The following AGMO variants were observed in gnomAD, a reference collection of about 807,000 sequenced individuals.
AGMO encodes glyceryl-ether monooxygenase.
Under a neutral mutation model 60.2 loss-of-function variants are expected in AGMO, and 75 were observed. The ratio of observed to expected loss-of-function variants is 1.25; its 90% CI spans 1.03 to 1.51. AGMO has a LOEUF of 1.51. Among genes scored for constraint, AGMO ranks in the 40% most tolerant of loss-of-function variants. The pLI is 0.00. For synonymous variants in AGMO, 261 were observed against 177.1 expected (o/e 1.47, Z -3.76); for missense variants, 763 against 525.5 (o/e 1.45, Z -4.42).
chr7:15,305,937 A>T (rs1408347274), intron 12 of AGMO, among the ~76,000 whole-genome samples: 1 of 152,008 alleles, frequency 6.6e-6, no homozygotes, highest in Non-Finnish European at 1.5e-5. Context: ...AATTCCAGAT[A>T]ACAAAATTTT....
intron 3 of AGMO, among the ~76,000 whole-genome samples, chr7:15,452,260 T>G (rs189969162): frequency 1.1e-4 from 16 of 152,248 alleles, no homozygotes; most frequent in African/African-American, 3.6e-4. Context: ...TTTAAAATTT[T>G]TGTATATTAA....
intron 3 of AGMO, among the ~76,000 whole-genome samples, chr7:15,544,076 C>T (rs1309997019): frequency 6.6e-6 from 1 of 151,984 alleles, no homozygotes; most frequent in Non-Finnish European, 1.5e-5. Context: ...TGCAGCAACC[C>T]AGATGGAATT....
At chr7:15,549,255 C>G (rs1381080948) in intron 2 of AGMO, among the ~76,000 whole-genome samples, 1 of 145,602 alleles carries the variant, frequency 6.9e-6, no homozygotes, top group Admixed American at 6.8e-5. Flanking sequence ...GAAACTGCAT[C>G]AACTAACGAG....
intron 12 of AGMO, among the ~76,000 whole-genome samples, chr7:15,272,900 T>G (rs1026899404): frequency 4.1e-4 from 62 of 152,216 alleles, no homozygotes; most frequent in Non-Finnish European, 7.6e-4. Flanking sequence ...TGATGAGCAT[T>G]TTTTCATGTG....
At chr7:15,291,599 C>T (rs1174432808) in intron 12 of AGMO, among the ~76,000 whole-genome samples, 2 of 152,038 alleles carry the variant, frequency 1.3e-5, no homozygotes, top group African/African-American at 4.8e-5. Flanking sequence ...TCATCACACA[C>T]ACACAAAAAA....
chr7:15,463,025 C>G (rs1375500492), intron 3 of AGMO, among the ~76,000 whole-genome samples: 1 of 152,064 alleles, frequency 6.6e-6, no homozygotes, highest in Non-Finnish European at 1.5e-5. Flanking sequence ...ATGGAAACAT[C>G]TGGGGTATAA....
chr7:15,517,690 G>C (rs1370023775), intron 3 of AGMO, among the ~76,000 whole-genome samples: 1 of 152,076 alleles, frequency 6.6e-6, no homozygotes, highest in African/African-American at 2.4e-5. Context: ...GATTTCCTTG[G>C]GTGCCTACAC....
intron 3 of AGMO, among the ~76,000 whole-genome samples, chr7:15,504,730 G>A (rs1227643878): frequency 1.3e-5 from 2 of 150,254 alleles, no homozygotes; most frequent in Non-Finnish European, 3.0e-5. Flanking sequence ...ATCCAGACAG[G>A]GTTAAAAAAA....
the AGMO span, among the ~76,000 whole-genome samples, chr7:15,119,600 T>G: frequency 1.3e-5 from 2 of 152,160 alleles, no homozygotes; most frequent in African/African-American, 4.8e-5. Context: ...ATCCAATGTA[T>G]TAATCCCTTC....
rs781175526 is a variant in AGMO at position 15,387,467 on chromosome 7, A to T, written c.896T>A (p.Phe299Tyr). ...ACCTGGACCCCATCCCGGTCCCTTA[A>T]ATATGACAGAAAACTTATTGAAGAA... ...PGFFNKFSVIFKGPGWGPGKP... is the reference protein window; with the variant it reads ...PGFFNKFSVIYKGPGWGPGKP... The change falls in exon 9 of 13, where the codon TTT becomes TAT. Residue 299 changes from phenylalanine to tyrosine, a missense_variant. Phe to Tyr is a conservative substitution (Grantham distance 22). Transcript: ENST00000342526. 1.2e-6 allele frequency: 2 copies of T among 1,614,032 alleles called. No homozygotes were observed. Among genetic ancestry groups the T allele is most frequent in the East Asian group, 4.5e-5 (2 of 44,882 alleles).
At chr7:15,391,006 T>A in intron 6 of AGMO, 101 bp from the exon 7 acceptor site, 1 of 718,102 alleles carries the variant, frequency 1.4e-6, no homozygotes, top group Non-Finnish European at 2.3e-6. Context: ...AATTCAGATT[T>A]AAACAGGGTA....
chr7:15,301,966 G>A (rs965274214), intron 12 of AGMO, among the ~76,000 whole-genome samples: 13 of 152,034 alleles, frequency 8.6e-5, no homozygotes, highest in Non-Finnish European at 1.3e-4. Context: ...TAGTATCAGA[G>A]GAGAATAAGT....
chr7:15,494,826 T>C (rs1321997524), intron 3 of AGMO, among the ~76,000 whole-genome samples: 2 of 152,230 alleles, frequency 1.3e-5, no homozygotes, highest in Non-Finnish European at 2.9e-5. Flanking sequence ...AATGTAACTC[T>C]GCAGGCAAAG....
chr7:15,205,575 A>G (rs1781418208), intron 12 of AGMO, among the ~76,000 whole-genome samples: 1 of 152,180 alleles, frequency 6.6e-6, no homozygotes, highest in Admixed American at 6.5e-5. Flanking sequence ...GAGCTAAGTC[A>G]TTTTGCTGAA....
intron 2 of AGMO, among the ~76,000 whole-genome samples, chr7:15,554,396 T>A (rs888661111): frequency 6.6e-6 from 1 of 152,100 alleles, no homozygotes; most frequent in African/African-American, 2.4e-5. Flanking sequence ...ATCCCTTTTA[T>A]GCCTTAAGTT....
At chr7:15,505,489 G>A (rs187635093) in intron 3 of AGMO, among the ~76,000 whole-genome samples, 77 of 152,088 alleles carry the variant, frequency 5.1e-4, no homozygotes, top group Middle Eastern at 3.4e-3. Flanking sequence ...GCAGGGAGAT[G>A]TTATTCCTAT....
chr7:15,426,301 CACTT>C (rs1410715007), intron 4 of AGMO, among the ~76,000 whole-genome samples: 4 of 152,086 alleles, frequency 2.6e-5, no homozygotes, highest in Admixed American at 6.6e-5. Context: ...CTGTAGTAGA[CACTT>C]ACATATACTA....
chr7:15,490,874 C>T (rs2128520754), intron 3 of AGMO, among the ~76,000 whole-genome samples: 1 of 152,216 alleles, frequency 6.6e-6, no homozygotes, highest in East Asian at 1.9e-4. Context: ...ATTTAAAAAT[C>T]AAATGTTATA....
At chr7:15,194,446 G>A in the AGMO span, among the ~76,000 whole-genome samples, 698 of 151,922 alleles carry the variant, frequency 4.6e-3, 3 homozygotes, top group African/African-American at 0.016. Context: ...ATGCATTTCA[G>A]AGAGTGCATA....
Sources: allele counts gnomAD v4.1 joint callset (sites outside exome capture counted in the v4.1 genomes callset), GRCh38; gene constraint gnomAD v4.1.1; transcripts MANE v1.5; gene names NCBI Gene and HGNC (gene_info 2026-07-23, HGNC 2026-07-21).